Variants in CLVS1 observed in about 807,000 individuals in gnomAD.
CLVS1 encodes the protein clavesin-1.
In CLVS1, 10 loss-of-function variants were observed where a neutral mutation model predicts 33.1. That is an observed-to-expected ratio of 0.30 (90% CI 0.19 to 0.51). The LOEUF (loss-of-function observed/expected upper bound fraction) is 0.51, where lower values mean the gene tolerates loss of function less well. Ranked by LOEUF, CLVS1 falls within the 20% of genes least tolerant of loss-of-function variation. The pLI, the probability that CLVS1 is intolerant of heterozygous loss-of-function variation, is 0.97. For synonymous variants in CLVS1, 163 were observed against 166.1 expected (o/e 0.98, Z 0.14); for missense variants, 343 against 433.4 (o/e 0.79, Z 1.85).
rs189508052 is a variant in CLVS1, at chr8:61,197,823, C to T, written c.-152+65963C>T. 3.9e-3 allele frequency among the ~76,000 whole-genome samples: 601 copies of T among 152,234 alleles called. 6 individuals are homozygous for T. The highest frequency in any genetic ancestry group is 0.013 in the African/African-American group (548 of 41,522). The stretch of plus-strand genomic sequence containing the variant: ...GCATAAGCCACAGTTTCATTCATAC[C>T]CAGTATGGCTTTACTCTCCACTGTG... On this transcript the variant is annotated intron_variant, in intron 2 of 2. Transcript: ENST00000522621.
intron 2 of CLVS1, among the ~76,000 whole-genome samples, chr8:61,304,730 C>A (rs1482222978): frequency 6.6e-6 from 1 of 152,128 alleles, no homozygotes; most frequent in Non-Finnish European, 1.5e-5. Context: ...GCCCAGTTTG[C>A]CATGAATGCC....
intron 2 of CLVS1, among the ~76,000 whole-genome samples, chr8:61,345,626 GTGTGTGTGTGTA>G (rs1268991481): frequency 2.7e-5 from 4 of 147,192 alleles, no homozygotes; most frequent in African/African-American, 1.0e-4. Context: ...CTAGGGGTGT[GTGTGTGTGTGTA>G]TGTGTGTGTG....
At chr8:61,146,756 T>C (rs920685362) in intron 2 of CLVS1, among the ~76,000 whole-genome samples, 1 of 152,094 alleles carries the variant, frequency 6.6e-6, no homozygotes. Context: ...CCATGCTGGC[T>C]GAGCTTCACC....
chr8:61,497,907 G>A (rs1301449399), intron 5 of CLVS1, among the ~76,000 whole-genome samples: 1 of 152,082 alleles, frequency 6.6e-6, no homozygotes, highest in Non-Finnish European at 1.5e-5. Flanking sequence ...TCTGTAAACT[G>A]TCATGGTGCT....
At chr8:61,222,328 A>C (rs1248748075) in intron 2 of CLVS1, among the ~76,000 whole-genome samples, 1 of 151,872 alleles carries the variant, frequency 6.6e-6, no homozygotes, top group Non-Finnish European at 1.5e-5. Context: ...TAGTGTTATA[A>C]ATTTCTCTCT....
At chr8:61,060,044 G>A (rs1489461349) in intron 1 of CLVS1, among the ~76,000 whole-genome samples, 2 of 152,034 alleles carry the variant, frequency 1.3e-5, no homozygotes, top group Non-Finnish European at 2.9e-5. Context: ...TGGCGATTCC[G>A]GAATGACCTT....
intron 1 of CLVS1, among the ~76,000 whole-genome samples, chr8:61,072,669 G>A (rs1485113670): frequency 2.0e-5 from 3 of 152,168 alleles, no homozygotes; most frequent in African/African-American, 7.2e-5. Flanking sequence ...TCCATTCATT[G>A]CTTCTCACTT....
intron 1 of CLVS1, among the ~76,000 whole-genome samples, chr8:61,118,931 G>T (rs1447315832): frequency 1.3e-5 from 2 of 151,668 alleles, no homozygotes; most frequent in Non-Finnish European, 1.5e-5. Flanking sequence ...TATCCTTGTT[G>T]ACTTTCTGTC....
At chr8:61,130,167 G>T (rs1185649870) in intron 1 of CLVS1, among the ~76,000 whole-genome samples, 2 of 151,878 alleles carry the variant, frequency 1.3e-5, no homozygotes, top group African/African-American at 4.8e-5. Flanking sequence ...GAGCCTGGGA[G>T]GTGGAGGTTG....
chr8:61,500,520 C>CAA lies in CLVS1; in HGVS notation c.*979_*980dup, dbSNP rs1554582444. ...TGACCCATATGGATGGCTAAATATG[C>CAA]AAGTACTGAAGTAAGAGAAGACTAG... On this transcript the variant is annotated 3_prime_UTR_variant, in exon 6 of 6. Coordinates refer to ENST00000325897, the MANE Select transcript of CLVS1 (RefSeq NM_173519.3). 6.6e-6 allele frequency: 1 copy of CAA among 152,154 alleles called. No homozygotes were observed. Among genetic ancestry groups the CAA allele is most frequent in the Non-Finnish European group, 1.5e-5 (1 of 68,040 alleles). The allele number at this position is 152,154 out of a possible 1,614,324, so 9.4% of individuals were successfully genotyped here. A position where few individuals can be genotyped will look rare whatever the true frequency, so the allele number is the denominator to read the frequency against.
chr8:61,245,188 T>C (rs946573444), intron 2 of CLVS1, among the ~76,000 whole-genome samples: 4 of 152,164 alleles, frequency 2.6e-5, no homozygotes, highest in African/African-American at 9.7e-5. Context: ...TGAAGTCTCC[T>C]TACATATTAG....
At chr8:61,297,644 T>A (rs1176612948) in intron 1 of CLVS1, among the ~76,000 whole-genome samples, 1 of 152,276 alleles carries the variant, frequency 6.6e-6, no homozygotes, top group Non-Finnish European at 1.5e-5. Context: ...GGCTGTAGAA[T>A]GTGCAGTCTG....
intron 3 of CLVS1, among the ~76,000 whole-genome samples, chr8:61,429,419 T>TAAAAAAAAAAAAAA: frequency 1.4e-5 from 1 of 73,236 alleles, no homozygotes; most frequent in Non-Finnish European, 2.5e-5. Flanking sequence ...GACTCTGTCT[T>TAAAAAAAAAAAAAA]AAAAAAAAAA....
chr8:61,014,540 A>G, the CLVS1 span, among the ~76,000 whole-genome samples: 1 of 152,256 alleles, frequency 6.6e-6, no homozygotes, highest in Admixed American at 6.5e-5. Flanking sequence ...ACATCAGTCA[A>G]GCAACAACAT....
intron 5 of CLVS1, among the ~76,000 whole-genome samples, chr8:61,471,610 G>C (rs532898575): frequency 6.6e-6 from 1 of 152,100 alleles, no homozygotes; most frequent in African/African-American, 2.4e-5. Flanking sequence ...CACGTTGGGA[G>C]CGGGCCACAG....
chr8:61,042,622 G>T, the CLVS1 span, among the ~76,000 whole-genome samples: 1 of 107,292 alleles, frequency 9.3e-6, no homozygotes, highest in Non-Finnish European at 1.8e-5. Context: ...ATGAATTCTG[G>T]GGAGATAGAA....
chr8:61,189,873 C>G (rs955194894), intron 2 of CLVS1, among the ~76,000 whole-genome samples: 8 of 152,192 alleles, frequency 5.3e-5, no homozygotes, highest in Admixed American at 3.9e-4. Context: ...TTTCATAAAG[C>G]AAGTCCTTAG....
intron 2 of CLVS1, among the ~76,000 whole-genome samples, chr8:61,194,816 T>C (rs1180681662): frequency 2.0e-5 from 3 of 151,804 alleles, no homozygotes; most frequent in South Asian, 2.1e-4. Context: ...AACAACCAAA[T>C]GTCATGCTAA....
At chr8:61,378,041 C>G (rs1813716776) in intron 3 of CLVS1, 1 of 152,210 alleles carries the variant, frequency 6.6e-6, no homozygotes, top group African/African-American at 2.4e-5. Context: ...CTCCTCTCAC[C>G]TAAGCCTCTG....
Sources: gnomAD v4.1 joint callset for allele counts (sites outside exome capture counted in the v4.1 genomes callset) on GRCh38, gnomAD v4.1.1 for gene constraint, MANE v1.5 for transcripts, NCBI Gene and HGNC (gene_info 2026-07-23, HGNC 2026-07-21) for gene names.